PROX2: variants seen among roughly 807,000 people sequenced by gnomAD.
The protein encoded by PROX2 is prospero homeobox protein 2.
Under a neutral mutation model 48.9 loss-of-function variants are expected in PROX2, and 46 were observed. The observed-to-expected ratio is 0.94, with a 90% CI of 0.74 to 1.20. PROX2 has a LOEUF of 1.20. Among genes scored for constraint, PROX2 ranks in the 50% most tolerant of loss-of-function variants. PROX2 has a pLI of 0.00. For synonymous variants in PROX2, 260 were observed against 276.6 expected, an observed-to-expected ratio of 0.94 and a Z score of 0.60; for missense variants, 663 against 719.4, an observed-to-expected ratio of 0.92 and a Z score of 0.90.
chr14:74,860,449 A>G (rs190425051), intron 3 of PROX2, among the ~76,000 whole-genome samples: 3 of 152,084 alleles, frequency 2.0e-5, no homozygotes, highest in Admixed American at 2.0e-4. Flanking sequence ...TCAGAATTGT[A>G]GCTAAGTGGT....
intron 2 of PROX2, among the ~76,000 whole-genome samples, chr14:74,866,734 C>A (rs1368541572): frequency 1.3e-5 from 2 of 152,160 alleles, no homozygotes; most frequent in East Asian, 3.8e-4. Context: ...GACATTGAAT[C>A]TGACAACTCT....
intron 4 of PROX2, chr14:74,858,077 A>G (rs17102847): frequency 0.31 from 59,630 of 192,092 alleles, 9,575 homozygotes; most frequent in African/African-American, 0.34. Flanking sequence ...TTTATTTTTC[A>G]TAGTGTCCCC....
intron 2 of PROX2, chr14:74,865,186 C>G (rs1416184967): frequency 6.6e-6 from 1 of 151,714 alleles, no homozygotes; most frequent in Non-Finnish European, 1.5e-5. Flanking sequence ...CACTGCCGTC[C>G]TAACTCTTGG....
chr14:74,865,213 A>ATTCACTGT (rs1883023559), intron 2 of PROX2: 1 of 151,920 alleles, frequency 6.6e-6, no homozygotes. Flanking sequence ...CAGATTACGC[A>ATTCACTGT]TTCACTGTTC....
At chr14:74,865,553 T>C (rs1883033161) in intron 2 of PROX2, among the ~76,000 whole-genome samples, 2 of 151,980 alleles carry the variant, frequency 1.3e-5, no homozygotes, top group East Asian at 3.9e-4. Flanking sequence ...ATAATAATCA[T>C]TGAACTGGGC....
chr14:74,869,898 G>A (rs1245194520), intron 2 of PROX2, among the ~76,000 whole-genome samples: 1 of 152,124 alleles, frequency 6.6e-6, no homozygotes, highest in Non-Finnish European at 1.5e-5. Context: ...GAATCAGTGA[G>A]TCTATGTCTA....
chr14:74,859,693 T>C (rs2091780259), intron 3 of PROX2, among the ~76,000 whole-genome samples: 1 of 152,238 alleles, frequency 6.6e-6, no homozygotes, highest in Admixed American at 6.5e-5. Context: ...CCGAGAGCTG[T>C]AGCTTAAGAC....
intron 2 of PROX2, among the ~76,000 whole-genome samples, chr14:74,868,511 T>C (rs1321394470): frequency 6.6e-6 from 1 of 151,576 alleles, no homozygotes; most frequent in Non-Finnish European, 1.5e-5. Flanking sequence ...TCTCCTTTGA[T>C]AGATTCCTTC....
intron 2 of PROX2, among the ~76,000 whole-genome samples, chr14:74,865,826 G>A (rs1883045372): frequency 6.6e-6 from 1 of 151,970 alleles, no homozygotes; most frequent in Non-Finnish European, 1.5e-5. Flanking sequence ...GCGAGACTCT[G>A]TCTAAAAAAA....
Position 74,863,295 on chromosome 14 carries a change from G to A in PROX2, c.540C>T (p.Gly180=). Residue 180 remains glycine (G), a synonymous_variant, in exon 3 of 6, where the codon GGC becomes GGT. Transcript: ENST00000556489. Reference sequence around the variant, plus strand: ...CCACAACCCAGGGGCGAGGCCCACAGCCATTCCCCTGCTTTGCACTCAGAG... The same window carrying A: ...CCACAACCCAGGGGCGAGGCCCACAACCATTCCCCTGCTTTGCACTCAGAG... ...KGPLSAKQGN[G]CGPRPWVVDG... The A allele has an allele frequency of 6.2e-7, 1 of 1,614,030 alleles. No homozygotes were observed.
chr14:74,873,283 A>G (rs1883260831), intron 1 of PROX2, among the ~76,000 whole-genome samples: 1 of 152,160 alleles, frequency 6.6e-6, no homozygotes, highest in South Asian at 2.1e-4. Flanking sequence ...CACCGCGCCC[A>G]GCCCTTTGTT....
intron 1 of PROX2, among the ~76,000 whole-genome samples, chr14:74,875,443 G>C (rs1883320008): frequency 6.6e-6 from 1 of 152,192 alleles, no homozygotes; most frequent in Non-Finnish European, 1.5e-5. Context: ...AACACCCCTG[G>C]ACATCAGAGA....
chr14:74,864,693 T>C (rs2091829036), intron 2 of PROX2, among the ~76,000 whole-genome samples: 1 of 151,330 alleles, frequency 6.6e-6, no homozygotes, highest in African/African-American at 2.4e-5. Context: ...AGTACAAAAT[T>C]AGCTGGGCGT....
rs759015125 is a variant in PROX2, at chr14:74,862,717, G to T, written c.1118C>A (p.Pro373His). ...PPQDSSSQRH[P>H]SSEPALRPWR... Reference sequence around the variant, plus strand: ...AGGTCGTAGGGCAGGCTCTGAGGAGGGGTGCCTCTGGGAAGATGAGTCCTG... The same window carrying T: ...AGGTCGTAGGGCAGGCTCTGAGGAGTGGTGCCTCTGGGAAGATGAGTCCTG... Residue 373 changes from proline to histidine, a missense_variant, in exon 3 of 6, where the codon CCC becomes CAC. Physicochemically the swap from Pro to His is moderately conservative, Grantham distance 77 (BLOSUM62 -2). Coordinates refer to ENST00000556489, the MANE Select transcript of PROX2 (RefSeq NM_001243007.2). 3 of 1,613,990 alleles carry T rather than the reference G, an allele frequency of 1.9e-6. No homozygotes were observed. The South Asian group carries it at 3.3e-5, about 18-fold the overall frequency.
In PROX2 at chr14:74,873,212, T is replaced by C. The variant is rs1883258195; in HGVS notation, c.-309-1975A>G. ...GTTAGCCAGGATGGTCTCAATCTCC[T>C]GATCTCATGATCTGCCCGCCTTGGC... is the stretch of plus-strand genomic sequence containing the variant. On this transcript the variant is annotated intron_variant, in intron 1 of 5. Coordinates refer to ENST00000556489, the MANE Select transcript of PROX2 (RefSeq NM_001243007.2). Among the ~76,000 whole-genome samples, 3 of 152,186 alleles carry C rather than the reference T, an allele frequency of 2.0e-5. No homozygotes were observed. The South Asian group carries it at 6.2e-4, about 31-fold the overall frequency.
chr14:74,854,619 G>A lies in PROX2; in HGVS notation c.*513C>T, dbSNP rs2091728637. 2 of 152,938 alleles carry A rather than the reference G, an allele frequency of 1.3e-5. No individual in the cohort carries two copies. The highest frequency in any genetic ancestry group is 4.8e-5 in the African/African-American group (2 of 41,456). The allele number at this position is 152,938 out of a possible 1,614,324, so 9.5% of individuals were successfully genotyped here. The stretch of plus-strand genomic sequence containing the variant: ...GATGATAATAACTACTTTTCAGGGT[G>A]AAAAGCTTAAAGTATGTGAAAGTAT... On this transcript the variant is annotated 3_prime_UTR_variant, in exon 6 of 6. Transcript: ENST00000556489.
chr14:74,862,856 C>T lies in PROX2; in HGVS notation c.979G>A (p.Asp327Asn). Residue 327 changes from aspartate to asparagine, a missense_variant, in exon 3 of 6, where the codon GAT (aspartate) becomes AAT (asparagine). Coordinates refer to ENST00000556489, the MANE Select transcript of PROX2 (RefSeq NM_001243007.2). ...PPRMTPKPCQDPPANFPLTAP... is the reference protein window; with the variant it reads ...PPRMTPKPCQNPPANFPLTAP... ...GTCAAGGGAAAGTTTGCTGGGGGATCCTGACAGGGTTTGGGGGTCATTCTT... is the reference window on the plus strand; with the variant it reads ...GTCAAGGGAAAGTTTGCTGGGGGATTCTGACAGGGTTTGGGGGTCATTCTT... 1.2e-6 allele frequency: 2 copies of T among 1,613,900 alleles called. No homozygotes were observed. Among genetic ancestry groups the T allele is most frequent in the Non-Finnish European group, 1.7e-6 (2 of 1,179,860 alleles).
rs2091805759 is a variant in PROX2, at chr14:74,862,734, T to C, written c.1101A>G (p.Ser367=). ...GHWSSSPPQD[S]SSQRHPSSEP... The stretch of plus-strand genomic sequence containing the variant: ...CTGAGGAGGGGTGCCTCTGGGAAGA[T>C]GAGTCCTGGGGAGGACTGCTACTCC... The change falls in exon 3 of 6, where the codon TCA becomes TCG. Residue 367 remains serine, a synonymous_variant. Transcript: ENST00000556489. 6 of 1,613,842 alleles carry C rather than the reference T, an allele frequency of 3.7e-6. No homozygotes were observed. The highest frequency in any genetic ancestry group is 4.2e-6 in the Non-Finnish European group (5 of 1,179,864).
At chr14:74,871,625 T>A (rs182120965) in intron 1 of PROX2, among the ~76,000 whole-genome samples, 54 of 151,900 alleles carry the variant, frequency 3.6e-4, no homozygotes, top group African/African-American at 1.2e-3. Flanking sequence ...ATAGAAAAAA[T>A]TAACCAGATG....
Sources: allele counts gnomAD v4.1 joint callset (sites outside exome capture counted in the v4.1 genomes callset), GRCh38; gene constraint gnomAD v4.1.1; transcripts MANE v1.5; gene names NCBI Gene and HGNC (gene_info 2026-07-23, HGNC 2026-07-21).